EFCAB13: variants seen among roughly 807,000 people sequenced by gnomAD.
EFCAB13 encodes the protein EF-hand calcium-binding domain-containing protein 13.
In EFCAB13, 91 loss-of-function variants were observed where a neutral mutation model predicts 110.2. The ratio of observed to expected loss-of-function variants is 0.83; its 90% confidence interval spans 0.70 to 0.98. The LOEUF (loss-of-function observed/expected upper bound fraction) is 0.98, where lower values mean the gene tolerates loss of function less well. Ranked by LOEUF, EFCAB13 falls within the 50% of genes least tolerant of loss-of-function variation. The pLI is 0.00. For synonymous variants in EFCAB13, 323 were observed against 369.9 expected (o/e 0.87, Z 1.45); for missense variants, 968 against 1,119.4 (o/e 0.86, Z 1.93).
chr17:47,422,509 ATTATT>A (rs1340617766), intron 23 of EFCAB13, among the ~76,000 whole-genome samples: 7 of 152,298 alleles, frequency 4.6e-5, no homozygotes, highest in South Asian at 4.1e-4. Flanking sequence ...TGGTTATTAT[ATTATT>A]TTATTTCAGT....
chr17:47,414,934 C>G lies in EFCAB13; in HGVS notation c.2494+15C>G. On this transcript the variant is annotated intron_variant, in intron 23 of 24. Transcript: ENST00000331493. ...AAAGTCCAAGGGTAAGTGAATACTT[C>G]TTGTTCAAGAGAATGGCTAGAAAAT... is the stretch of plus-strand genomic sequence containing the variant. 1 of 1,529,116 alleles carries G rather than the reference C, an allele frequency of 6.5e-7. No individual in the cohort carries two copies. Among genetic ancestry groups the G allele is most frequent in the Non-Finnish European group, 9.0e-7 (1 of 1,113,452 alleles). 94.7% of individuals were successfully genotyped at this position (1,529,116 alleles called of 1,614,324 possible). A position where few individuals can be genotyped will look rare whatever the true frequency, so the allele number is the denominator to read the frequency against.
intron 9 of EFCAB13, among the ~76,000 whole-genome samples, chr17:47,351,378 A>G (rs2065452472): frequency 6.7e-6 from 1 of 149,588 alleles, no homozygotes; most frequent in African/African-American, 2.5e-5. Context: ...GGTTGATTTT[A>G]TGTCTTTGCT....
chr17:47,391,821 A>G (rs72825681), intron 15 of EFCAB13, among the ~76,000 whole-genome samples: 13,373 of 152,090 alleles, frequency 0.088, 849 homozygotes, highest in East Asian at 0.35. Flanking sequence ...TCTTTAAATA[A>G]TCTTTTCAAG....
intron 17 of EFCAB13, among the ~76,000 whole-genome samples, chr17:47,399,429 T>G (rs2065767401): frequency 6.6e-6 from 1 of 152,200 alleles, no homozygotes; most frequent in African/African-American, 2.4e-5. Flanking sequence ...TATTTTTGTT[T>G]ATATTTGATA....
intron 10 of EFCAB13, among the ~76,000 whole-genome samples, chr17:47,367,296 T>C (rs1259519314): frequency 6.6e-6 from 1 of 152,216 alleles, no homozygotes; most frequent in Non-Finnish European, 1.5e-5. Context: ...AATACATAGT[T>C]TACCAATTTT....
intron 24 of EFCAB13, among the ~76,000 whole-genome samples, chr17:47,432,544 C>T (rs923198724): frequency 6.6e-6 from 1 of 151,984 alleles, no homozygotes; most frequent in Non-Finnish European, 1.5e-5. Flanking sequence ...GAGCTGTATT[C>T]GTACCACTTC....
chr17:47,430,662 C>T (rs1282862346), intron 24 of EFCAB13: 4 of 152,204 alleles, frequency 2.6e-5, no homozygotes, highest in African/African-American at 9.6e-5. Context: ...TTCATTAGAT[C>T]TGCCTTTTCA....
At chr17:47,348,123 A>G (rs899068667) in intron 9 of EFCAB13, among the ~76,000 whole-genome samples, 172 bp downstream of exon 9, 2 of 151,766 alleles carry the variant, frequency 1.3e-5, no homozygotes, top group African/African-American at 4.8e-5. Context: ...CATTACTTAC[A>G]ATAATGATAT....
chr17:47,433,266 T>C (rs1905153687), intron 24 of EFCAB13, among the ~76,000 whole-genome samples: 2 of 152,180 alleles, frequency 1.3e-5, no homozygotes, highest in Admixed American at 1.3e-4. Context: ...GCCCTTTTTA[T>C]TGCAACATAT....
chr17:47,360,941 A>G (rs999444236), intron 9 of EFCAB13, among the ~76,000 whole-genome samples: 5 of 152,170 alleles, frequency 3.3e-5, no homozygotes, highest in Non-Finnish European at 7.3e-5. Context: ...AAAATTAAAA[A>G]TATACTGAGC....
At chr17:47,351,327 G>GCGCGCA (rs751350035) in intron 9 of EFCAB13, among the ~76,000 whole-genome samples, 85 of 150,020 alleles carry the variant, frequency 5.7e-4, no homozygotes, top group Admixed American at 9.3e-4. Context: ...GCGCGCGCGC[G>GCGCGCA]CCACGTTTTC....
rs752549988 is a variant in EFCAB13, at chr17:47,412,845, C to A, written c.2351C>A (p.Ala784Asp). Residue 784 changes from alanine to aspartate, a missense_variant, in exon 22 of 25, where the codon GCC (alanine) becomes GAC (aspartate). Physicochemically the swap from Ala to Asp is moderately radical, Grantham distance 126 (BLOSUM62 -2). Coordinates refer to ENST00000331493, the MANE Select transcript of EFCAB13 (RefSeq NM_152347.5). ...ATTGGTATACCTGATTTGGAGCATGCCTTGAAATGTTTGAATGTTAATTTA... is the reference window on the plus strand; with the variant it reads ...ATTGGTATACCTGATTTGGAGCATGACTTGAAATGTTTGAATGTTAATTTA... ...GKIGIPDLEH[A>D]LKCLNVNLTE... The A allele has an allele frequency of 1.2e-6, 2 of 1,613,516 alleles. No individual in the cohort carries two copies. The highest frequency in any genetic ancestry group is 1.1e-5 in the South Asian group (1 of 91,050).
chr17:47,352,632 T>C (rs547900914), intron 9 of EFCAB13, among the ~76,000 whole-genome samples: 2 of 152,280 alleles, frequency 1.3e-5, no homozygotes, highest in South Asian at 4.1e-4. Flanking sequence ...ATGACATTGG[T>C]ATTTTGATGG....
chr17:47,335,817 A>C (rs531238457), intron 5 of EFCAB13, among the ~76,000 whole-genome samples: 1 of 152,264 alleles, frequency 6.6e-6, no homozygotes, highest in South Asian at 2.1e-4. Context: ...ATGAGAACTC[A>C]CTCAGTATCA....
At position 47,379,222 on chromosome 17, in the gene EFCAB13, C is replaced by T. The variant is rs760177485; in HGVS notation, c.1551C>T (p.Leu517=). Residue 517 remains leucine (L), a synonymous_variant, in exon 14 of 25, where the codon CTC becomes CTT. Transcript: ENST00000331493. ...AGTTAGATGACTTTGTAAATGCTCT[C>T]GCCAAGGAGCGAAGTTTTCCTGAAT... is the stretch of plus-strand genomic sequence containing the variant. ...MVELDDFVNA[L]AKERSFPECN... The T allele has an allele frequency of 8.7e-6, 14 of 1,613,144 alleles. No homozygotes were observed. Among genetic ancestry groups the T allele is most frequent in the East Asian group, 6.7e-5 (3 of 44,850 alleles).
intron 14 of EFCAB13, among the ~76,000 whole-genome samples, chr17:47,384,841 C>G (rs2065667604): frequency 6.6e-6 from 1 of 151,980 alleles, no homozygotes; most frequent in African/African-American, 2.4e-5. Context: ...CACATCTCCG[C>G]TCACTGCAAG....
intron 9 of EFCAB13, among the ~76,000 whole-genome samples, chr17:47,356,372 G>A (rs2065480546): frequency 1.3e-5 from 2 of 152,174 alleles, no homozygotes. Context: ...AGATTCTTTT[G>A]TTCCTCAGGG....
chr17:47,415,022 T>C, intron 23 of EFCAB13, 103 bp downstream of exon 23: 1 of 800,290 alleles, frequency 1.2e-6, no homozygotes, highest in Non-Finnish European at 2.0e-6. Flanking sequence ...ATTAAGAAAA[T>C]GTGGCACATA....
chr17:47,400,553 G>A lies in EFCAB13; in HGVS notation c.1946-1579G>A, dbSNP rs190566140. 3.6e-4 allele frequency among the ~76,000 whole-genome samples: 55 copies of A among 152,072 alleles called. No individual in the cohort carries two copies. The East Asian group carries it at 7.9e-3, about 22-fold the overall frequency. On this transcript the variant is annotated intron_variant, in intron 17 of 24. Transcript: ENST00000331493. ...GTTAGTGTTATCAGTACCTGTTGAC[G>A]TCAGATGGCTCCCTGCTTCCTTTCT...
Sources: allele counts gnomAD v4.1 joint callset (sites outside exome capture counted in the v4.1 genomes callset), GRCh38; gene constraint gnomAD v4.1.1; transcripts MANE v1.5; gene names NCBI Gene and HGNC (gene_info 2026-07-23, HGNC 2026-07-21).